TLR7: variants seen among roughly 807,000 people sequenced by gnomAD.
The protein encoded by TLR7 is toll like receptor 7, also known as toll-like receptor 7.
Under a neutral mutation model 38.3 loss-of-function variants are expected in TLR7, and 12 were observed. That is an observed-to-expected ratio of 0.31 (90% CI 0.20 to 0.51). The LOEUF is 0.51. Among genes scored for constraint, TLR7 ranks in the 20% least tolerant of loss-of-function variants. TLR7 has a pLI of 0.98. For missense variants in TLR7, 504 were observed against 743.4 expected, an observed-to-expected ratio of 0.68 and a Z score of 3.74; for synonymous variants, 285 against 293.8, an observed-to-expected ratio of 0.97 and a Z score of 0.31.
At chrX:12,867,198 G>A (rs1415877314) in intron 1 of TLR7, 75 bp downstream of exon 1, 2 of 137,476 alleles carry the variant, frequency 1.5e-5, no homozygotes, top group East Asian at 1.9e-4. Flanking sequence ...AAGTGGGGAG[G>A]AGAGAAGAGG....
Position 12,885,519 on chromosome X carries a change from C to T in TLR7, c.11C>T (p.Pro4Leu), listed in dbSNP as rs1258108007. 1 of 1,189,083 alleles carries T rather than the reference C, an allele frequency of 8.4e-7. No homozygotes were observed. The highest frequency in any genetic ancestry group is 3.0e-5 in the East Asian group (1 of 33,641). Reference protein sequence around the residue: MVFPMWTLKRQILI... With the variant: MVFLMWTLKRQILI... ...TCTTTCTTATACTTTCAGGTGTTTC[C>T]AATGTGGACACTGAAGAGACAAATT... is the stretch of plus-strand genomic sequence containing the variant. The change falls in exon 3 of 3, where the codon CCA (proline) becomes CTA (leucine). Residue 4 changes from proline (P) to leucine (L), a missense_variant. Coordinates refer to ENST00000380659, the MANE Select transcript of TLR7 (RefSeq NM_016562.4).
Position 12,886,301 on chromosome X carries a change from A to T in TLR7, c.793A>T (p.Asn265Tyr). ...DLSGNCPRCY[N>Y]APFPCAPCKN... ...AAGTGGAAATTGCCCTCGTTGTTAT[A>T]ATGCCCCATTTCCTTGTGCGCCGTG... is the stretch of plus-strand genomic sequence containing the variant. Residue 265 changes from asparagine (N) to tyrosine (Y), a missense_variant, in exon 3 of 3, where the codon AAT (asparagine) becomes TAT (tyrosine). Transcript: ENST00000380659. The T allele has an allele frequency of 8.3e-7, 1 of 1,211,629 alleles. No individual in the cohort carries two copies. Among genetic ancestry groups the T allele is most frequent in the Non-Finnish European group, 1.1e-6 (1 of 895,126 alleles).
intron 2 of TLR7, among the ~76,000 whole-genome samples, chrX:12,871,117 T>A (rs993547720): frequency 8.9e-6 from 1 of 112,015 alleles, no homozygotes; most frequent in Non-Finnish European, 1.9e-5. Context: ...GATAACTCTC[T>A]CCTTTTTTTA....
chrX:12,871,780 G>T (rs2042853879), intron 2 of TLR7, among the ~76,000 whole-genome samples: 1 of 111,349 alleles, frequency 9.0e-6, no homozygotes, highest in Non-Finnish European at 1.9e-5. Context: ...CTTTCTGACT[G>T]GTTGGTTAGT....
chrX:12,870,537 AC>A, intron 2 of TLR7, among the ~76,000 whole-genome samples: 1 of 111,933 alleles, frequency 8.9e-6, no homozygotes, highest in East Asian at 2.8e-4. Flanking sequence ...ACCAGCCAGT[AC>A]CTCTGCACCC....
chrX:12,878,721 G>T (rs1413052294), intron 2 of TLR7, among the ~76,000 whole-genome samples: 2 of 110,434 alleles, frequency 1.8e-5, no homozygotes, highest in Non-Finnish European at 3.8e-5. Context: ...TCTATGCTTT[G>T]TCGGTGCTCC....
Position 12,886,869 on chromosome X carries a change from G to T in TLR7, c.1361G>T (p.Ser454Ile), listed in dbSNP as rs2042913718. Residue 454 changes from serine to isoleucine, a missense_variant, in exon 3 of 3, where the codon AGT (serine) becomes ATT (isoleucine). Coordinates refer to ENST00000380659, the MANE Select transcript of TLR7 (RefSeq NM_016562.4). ...TCAAATGCCAGAACTTCTGTAGAAA[G>T]TTATGAACCCCAGGTCCTGGAACAA... The part of the protein sequence containing the change: ...FCSNARTSVE[S>I]YEPQVLEQLH... 8.3e-7 allele frequency: 1 copy of T among 1,208,436 alleles called. No homozygotes were observed. Among genetic ancestry groups the T allele is most frequent in the African/African-American group, 1.7e-5 (1 of 57,222 alleles).
chrX:12,883,020 C>A (rs2042897810), intron 2 of TLR7, among the ~76,000 whole-genome samples: 1 of 111,707 alleles, frequency 9.0e-6, no homozygotes, highest in Non-Finnish European at 1.9e-5. Flanking sequence ...GATCTATGAA[C>A]CCATTATGTC....
chrX:12,881,366 GAAGTT>G (rs199998174), intron 2 of TLR7, among the ~76,000 whole-genome samples: 1,100 of 107,091 alleles, frequency 0.01, 19 homozygotes, highest in African/African-American at 0.036. Context: ...GACCTGAACT[GAAGTT>G]ATTTATTCTT....
intron 2 of TLR7, among the ~76,000 whole-genome samples, chrX:12,879,505 A>G (rs1278524330): frequency 8.9e-6 from 1 of 112,035 alleles, no homozygotes; most frequent in Non-Finnish European, 1.9e-5. Flanking sequence ...CTCTGAGGTC[A>G]TATAAGGAAG....
Position 12,867,459 on chromosome X carries a change from T to G in TLR7, c.-98-22T>G, listed in dbSNP as rs2302267. 0.067 allele frequency: 40,718 copies of G among 604,443 alleles called. 1,041 individuals carry two copies. The highest frequency in any genetic ancestry group is 0.11 in the South Asian group (4,120 of 36,922). The allele number at this position is 604,443 out of a possible 1,213,427, so 49.8% of individuals were successfully genotyped here. A position where few individuals can be genotyped will look rare whatever the true frequency, so the allele number is the denominator to read the frequency against. Reference sequence around the variant, plus strand: ...TGTGCTGTCTTTGAAATGTAAACTTTGATGTCTTCTCTTTCTCTTAGTTGA... The same window carrying G: ...TGTGCTGTCTTTGAAATGTAAACTTGGATGTCTTCTCTTTCTCTTAGTTGA... On this transcript the variant is annotated intron_variant, in intron 1 of 2. Transcript: ENST00000380659.
Position 12,882,015 on chromosome X carries a change from C to T in TLR7, c.4-3497C>T, listed in dbSNP as rs182002771. Among the ~76,000 whole-genome samples the T allele has an allele frequency of 4.3e-3, 482 of 110,906 alleles. 3 individuals are homozygous for T. The highest frequency in any genetic ancestry group is 3.6e-3 in the Non-Finnish European group (189 of 52,924). On this transcript the variant is annotated intron_variant, in intron 2 of 2. Coordinates refer to ENST00000380659, the MANE Select transcript of TLR7 (RefSeq NM_016562.4). ...CAACTAAGGGGTGGTAATGACCGGG[C>T]TGTGGGAAGAGGAGGAGAAAGATGA... is the stretch of plus-strand genomic sequence containing the variant.
Position 12,887,355 on chromosome X carries a change from T to C in TLR7, c.1847T>C (p.Met616Thr). The C allele has an allele frequency of 8.3e-7, 1 of 1,211,539 alleles. No homozygotes were observed. Among genetic ancestry groups the C allele is most frequent in the Non-Finnish European group, 1.1e-6 (1 of 895,080 alleles). The change falls in exon 3 of 3, where the codon ATG becomes ACG. Residue 616 changes from methionine (M) to threonine (T), a missense_variant. Physicochemically the swap from Met to Thr is moderately conservative, Grantham distance 81. Coordinates refer to ENST00000380659, the MANE Select transcript of TLR7 (RefSeq NM_016562.4). Reference protein sequence around the residue: ...NDISSSTSRTMESESLRTLEF... With the variant: ...NDISSSTSRTTESESLRTLEF... ...ATCTCTTCCTCCACCAGCAGGACCATGGAGAGTGAGTCTCTTAGAACTCTG... is the reference window on the plus strand; with the variant it reads ...ATCTCTTCCTCCACCAGCAGGACCACGGAGAGTGAGTCTCTTAGAACTCTG...
intron 2 of TLR7, among the ~76,000 whole-genome samples, chrX:12,871,500 G>A (rs936035810): frequency 3.6e-5 from 4 of 112,013 alleles, no homozygotes; most frequent in Non-Finnish European, 7.5e-5. Flanking sequence ...CCCTTTCTAA[G>A]TTTTCTTCAG....
rs1346316652 is a variant in TLR7 at position 12,886,246 on chromosome X, T to C, written c.738T>C (p.Asn246=). The C allele has an allele frequency of 8.3e-7, 1 of 1,211,970 alleles. No homozygotes were observed. Among genetic ancestry groups the C allele is most frequent in the Admixed American group, 2.2e-5 (1 of 46,050 alleles). ...CAAAAATCCAAGAAGATGATTTTAA[T>C]AACCTCAACCAATTACAAATTCTTG... ...MIAKIQEDDF[N]NLNQLQILDL... Residue 246 remains asparagine, a synonymous_variant, in exon 3 of 3, where the codon AAT becomes AAC. Coordinates refer to ENST00000380659, the MANE Select transcript of TLR7 (RefSeq NM_016562.4).
chrX:12,885,869 A>C lies in TLR7; in HGVS notation c.361A>C (p.Arg121=), dbSNP rs140749805. The C allele has an allele frequency of 6.3e-4, 760 of 1,210,515 alleles. 6 individuals are homozygous for C. The African/African-American group carries it at 0.011, about 18-fold the overall frequency. The change falls in exon 3 of 3, where the codon AGA becomes CGA. Residue 121 remains arginine (R), a synonymous_variant. Transcript: ENST00000380659. Reference sequence around the variant, plus strand: ...CATCAAGAGGCTGCAGATTAAACCCAGAAGCTTTAGTGGACTCACTTATTT... The same window carrying C: ...CATCAAGAGGCTGCAGATTAAACCCCGAAGCTTTAGTGGACTCACTTATTT... ...MCIKRLQIKP[R]SFSGLTYLKS...
intron 2 of TLR7, 147 bp downstream of exon 2, chrX:12,867,728 T>A: frequency 1.8e-6 from 1 of 546,121 alleles, no homozygotes; most frequent in Non-Finnish European, 3.1e-6. Flanking sequence ...CAATTGGCAT[T>A]AATGAAGGGG....
intron 2 of TLR7, among the ~76,000 whole-genome samples, chrX:12,880,682 A>G (rs1175838703): frequency 9.0e-6 from 1 of 111,293 alleles, no homozygotes; most frequent in African/African-American, 3.3e-5. Context: ...TCTTTCATTC[A>G]TGTATCTCAC....
intron 2 of TLR7, among the ~76,000 whole-genome samples, chrX:12,874,969 T>A (rs2042865539): frequency 9.0e-6 from 1 of 111,209 alleles, no homozygotes; most frequent in Non-Finnish European, 1.9e-5. Flanking sequence ...AATGTTTTTT[T>A]TTTTTTCTAT....
Sources: allele counts gnomAD v4.1 joint callset (sites outside exome capture counted in the v4.1 genomes callset), GRCh38; gene constraint gnomAD v4.1.1; transcripts MANE v1.5; gene names NCBI Gene and HGNC (gene_info 2026-07-23, HGNC 2026-07-21).